ROR1: variants seen among roughly 807,000 people sequenced by gnomAD.
The protein encoded by ROR1 is inactive tyrosine-protein kinase transmembrane receptor ROR1.
ROR1 carries 19 observed loss-of-function variants against 78.8 expected under a neutral mutation model. The ratio of observed to expected loss-of-function variants is 0.24; its 90% CI spans 0.17 to 0.35. The LOEUF (loss-of-function observed/expected upper bound fraction) is 0.35, where lower values mean the gene tolerates loss of function less well. ROR1 is among the 10% of genes least tolerant of loss of function. The probability of loss-of-function intolerance (pLI) is 1.00; values close to 1 mark genes in which losing one functional copy is unlikely to be tolerated. For synonymous variants in ROR1, 386 were observed against 433.6 expected (o/e 0.89, Z 1.36); for missense variants, 917 against 1,177.8 (o/e 0.78, Z 3.24).
At chr1:63,843,675 A>G (rs1645063368) in intron 1 of ROR1, 2 of 554,706 alleles carry the variant, frequency 3.6e-6, no homozygotes, top group African/African-American at 1.8e-5. Context: ...AGACAGCCAC[A>G]CCAGAGGCCA....
intron 2 of ROR1, among the ~76,000 whole-genome samples, chr1:64,039,046 C>T (rs1225721957): frequency 1.3e-5 from 2 of 152,194 alleles, no homozygotes; most frequent in East Asian, 1.9e-4. Context: ...AATTTCAAGG[C>T]AAAACCGCCC....
intron 1 of ROR1, among the ~76,000 whole-genome samples, chr1:63,902,870 C>G (rs1645496963): frequency 6.6e-6 from 1 of 152,196 alleles, no homozygotes. Flanking sequence ...TTCCGCCAGT[C>G]ATCCTTAGTG....
intron 1 of ROR1, among the ~76,000 whole-genome samples, chr1:63,944,437 A>G (rs969500897): frequency 6.6e-6 from 1 of 152,232 alleles, no homozygotes; most frequent in South Asian, 2.1e-4. Flanking sequence ...TTGATTGTGC[A>G]TTGGATACAT....
chr1:63,967,481 C>A (rs919027113), intron 1 of ROR1, among the ~76,000 whole-genome samples: 3 of 152,196 alleles, frequency 2.0e-5, no homozygotes, highest in African/African-American at 7.2e-5. Context: ...CTGCCTCAGT[C>A]TCCTGAGTAG....
At chr1:63,986,034 G>C (rs1162193961) in intron 1 of ROR1, among the ~76,000 whole-genome samples, 1 of 152,060 alleles carries the variant, frequency 6.6e-6, no homozygotes, top group African/African-American at 2.4e-5. Flanking sequence ...GCAAAGCACT[G>C]GCCACCTAGA....
At chr1:64,158,867 G>C in intron 7 of ROR1, 114 bp from the exon 8 acceptor site, 4 of 731,004 alleles carry the variant, frequency 5.5e-6, no homozygotes, top group Non-Finnish European at 9.2e-6. Flanking sequence ...TCTCACAGTG[G>C]ATTTGTGTGT....
rs146574835 is a variant in ROR1, at chr1:64,086,956, A to C, written c.482+36240A>C. Among the ~76,000 whole-genome samples the C allele has an allele frequency of 4.0e-3, 615 of 152,328 alleles. 6 individuals are homozygous for C. The highest frequency in any genetic ancestry group is 0.014 in the African/African-American group (565 of 41,568). Reference sequence around the variant, plus strand: ...CGAGTTCTTAGAGTCAGTAAGAAGAAAAGCTAGGATTCTGCCAGTGGCTGA... The same window carrying C: ...CGAGTTCTTAGAGTCAGTAAGAAGACAAGCTAGGATTCTGCCAGTGGCTGA... On this transcript the variant is annotated intron_variant, in intron 4 of 8. Transcript: ENST00000371079.
chr1:64,077,945 G>A (rs1647066354), intron 4 of ROR1, among the ~76,000 whole-genome samples: 1 of 152,198 alleles, frequency 6.6e-6, no homozygotes, highest in African/African-American at 2.4e-5. Context: ...CAATGTGAGG[G>A]ACATGGAGGT....
At chr1:63,951,726 G>C (rs1645938862) in intron 1 of ROR1, among the ~76,000 whole-genome samples, 1 of 152,040 alleles carries the variant, frequency 6.6e-6, no homozygotes, top group Admixed American at 6.6e-5. Flanking sequence ...CTCACCACCA[G>C]CCCACATGCT....
At chr1:64,034,563 C>G (rs1199857069) in intron 2 of ROR1, among the ~76,000 whole-genome samples, 1 of 152,258 alleles carries the variant, frequency 6.6e-6, no homozygotes. Context: ...CTCACTCACT[C>G]ATCTGCATTC....
intron 7 of ROR1, chr1:64,143,455 TATC>T: frequency 2.1e-6 from 2 of 967,134 alleles, no homozygotes; most frequent in East Asian, 1.1e-4. Context: ...TTCTCATAGA[TATC>T]ATAGATAATG....
At chr1:63,998,680 G>A (rs1055976010) in intron 1 of ROR1, among the ~76,000 whole-genome samples, 1 of 152,104 alleles carries the variant, frequency 6.6e-6, no homozygotes, top group Non-Finnish European at 1.5e-5. Context: ...AAGTACATTA[G>A]GCTAACCCTC....
At chr1:64,032,999 G>A (rs1289771461) in intron 2 of ROR1, among the ~76,000 whole-genome samples, 2 of 152,160 alleles carry the variant, frequency 1.3e-5, no homozygotes, top group Admixed American at 6.6e-5. Flanking sequence ...TAGTGGGCAC[G>A]AGGTTTCAGT....
chr1:63,901,422 T>C lies in ROR1; in HGVS notation c.92-107883T>C, dbSNP rs542952777. Among the ~76,000 whole-genome samples, 39 of 152,322 alleles carry C rather than the reference T, an allele frequency of 2.6e-4. No homozygotes were observed. In the East Asian group the frequency reaches 6.9e-3, roughly 27 times the overall value. On this transcript the variant is annotated intron_variant, in intron 1 of 8. Coordinates refer to ENST00000371079, the MANE Select transcript of ROR1 (RefSeq NM_005012.4). ...TTTCACTAAGTCAAGATTCCATGTC[T>C]GTAGCTGTAATAGCAGTGTAATAGC...
intron 1 of ROR1, among the ~76,000 whole-genome samples, chr1:64,005,884 A>T (rs534023517): frequency 6.6e-6 from 1 of 152,180 alleles, no homozygotes; most frequent in African/African-American, 2.4e-5. Flanking sequence ...ACACGTGGTT[A>T]TCTAAAGGAA....
chr1:63,915,137 T>G (rs530400869), intron 1 of ROR1, among the ~76,000 whole-genome samples: 1 of 152,336 alleles, frequency 6.6e-6, no homozygotes, highest in South Asian at 2.1e-4. Flanking sequence ...TCTAAGAGGT[T>G]AAGAAGTGGG....
At chr1:63,905,922 G>A (rs921649186) in intron 1 of ROR1, among the ~76,000 whole-genome samples, 4 of 152,064 alleles carry the variant, frequency 2.6e-5, no homozygotes, top group Non-Finnish European at 5.9e-5. Context: ...ATAAAATAAT[G>A]TACTTGAGGT....
At chr1:64,112,837 C>T (rs6674007) in intron 4 of ROR1, among the ~76,000 whole-genome samples, 1 of 152,082 alleles carries the variant, frequency 6.6e-6, no homozygotes, top group African/African-American at 2.4e-5. Flanking sequence ...TATCAGCCAA[C>T]CCTGACTCTT....
chr1:63,877,306 G>C (rs1413150425), intron 1 of ROR1, among the ~76,000 whole-genome samples: 1 of 152,132 alleles, frequency 6.6e-6, no homozygotes, highest in Non-Finnish European at 1.5e-5. Flanking sequence ...GATCAACATA[G>C]ATTCAGATGT....
Sources: allele counts gnomAD v4.1 joint callset (sites outside exome capture counted in the v4.1 genomes callset), GRCh38; gene constraint gnomAD v4.1.1; transcripts MANE v1.5; gene names NCBI Gene and HGNC (gene_info 2026-07-23, HGNC 2026-07-21).